The following C7orf57 variants were observed in gnomAD, a reference collection of about 807,000 sequenced individuals.
C7orf57 encodes chromosome 7 open reading frame 57.
C7orf57 carries 33 observed loss-of-function variants against 39.0 expected under a neutral mutation model. The ratio of observed to expected loss-of-function variants is 0.85; its 90% CI spans 0.64 to 1.13. C7orf57 has a LOEUF of 1.13. Ranked by LOEUF, C7orf57 falls within the 50% of genes most tolerant of loss-of-function variation. C7orf57 has a pLI of 0.00. For synonymous variants in C7orf57, 124 were observed against 137.1 expected (o/e 0.90, Z 0.67); for missense variants, 346 against 362.3 (o/e 0.95, Z 0.37).
At chr7:48,059,555 G>T (rs1427649158) in intron 8 of C7orf57, among the ~76,000 whole-genome samples, 1 of 152,078 alleles carries the variant, frequency 6.6e-6, no homozygotes, top group African/African-American at 2.4e-5. Flanking sequence ...TTCGCCATGT[G>T]GCCCAGGCTG....
At chr7:48,036,776 C>T (rs1190681733) in intron 2 of C7orf57, among the ~76,000 whole-genome samples, 1 of 152,172 alleles carries the variant, frequency 6.6e-6, no homozygotes, top group African/African-American at 2.4e-5. Flanking sequence ...AGCCCTTGCT[C>T]CTACTTTAGA....
chr7:48,055,470 A>G (rs1791091109), intron 8 of C7orf57, among the ~76,000 whole-genome samples: 1 of 152,178 alleles, frequency 6.6e-6, no homozygotes, highest in African/African-American at 2.4e-5. Context: ...TGGTGATCAC[A>G]CTTAAAATCT....
chr7:48,039,669 G>C (rs562672743), intron 2 of C7orf57, among the ~76,000 whole-genome samples: 1 of 152,160 alleles, frequency 6.6e-6, no homozygotes, highest in East Asian at 1.9e-4. Flanking sequence ...CAATATCTGA[G>C]TACCATGGTC....
Position 48,060,309 on chromosome 7 carries a change from T to C in C7orf57, c.*37T>C. 1 of 1,321,456 alleles carries C rather than the reference T, an allele frequency of 7.6e-7. No homozygotes were observed. Among genetic ancestry groups the C allele is most frequent in the Non-Finnish European group, 1.0e-6 (1 of 953,124 alleles). 81.9% of individuals were successfully genotyped at this position (1,321,456 alleles called of 1,614,324 possible). A position where few individuals can be genotyped will look rare whatever the true frequency, so the allele number is the denominator to read the frequency against. The stretch of plus-strand genomic sequence containing the variant: ...ATATGTATTTAGGATAATTTTTAAA[T>C]GGCTAAATATGACATGACTGTATTA... On this transcript the variant is annotated 3_prime_UTR_variant, in exon 9 of 9. Coordinates refer to ENST00000348904, the MANE Select transcript of C7orf57 (RefSeq NM_001100159.3).
intron 4 of C7orf57, 72 bp downstream of exon 4, chr7:48,043,661 A>C: frequency 8.6e-7 from 1 of 1,165,564 alleles, no homozygotes; most frequent in Non-Finnish European, 1.3e-6. Flanking sequence ...TAATTTTAAA[A>C]ATACAAATGT....
chr7:48,052,115 A>T (rs1265474928), intron 6 of C7orf57, among the ~76,000 whole-genome samples: 1 of 151,730 alleles, frequency 6.6e-6, no homozygotes, highest in Non-Finnish European at 1.5e-5. Flanking sequence ...CTGGGACTAC[A>T]GGTGCGTGCC....
intron 8 of C7orf57, among the ~76,000 whole-genome samples, chr7:48,056,314 G>GT (rs1469514112): frequency 6.6e-6 from 1 of 151,950 alleles, no homozygotes; most frequent in African/African-American, 2.4e-5. Flanking sequence ...TGGATTATTT[G>GT]TTTTTTTGCT....
At position 48,056,495 on chromosome 7, in the gene C7orf57, T is replaced by C. The variant is rs1168385475; in HGVS notation, c.841+1889T>C. Among the ~76,000 whole-genome samples, 3 of 152,116 alleles carry C rather than the reference T, an allele frequency of 2.0e-5. No individual in the cohort carries two copies. In the East Asian group the frequency reaches 5.8e-4, roughly 29 times the overall value. ...CCTTTTGTTACTTGGGCTTTTGGTG[T>C]TCTGTCCAAAAAATCATTGCCCAGA... On this transcript the variant is annotated intron_variant, in intron 8 of 8. Transcript: ENST00000348904.
chr7:48,046,435 C>G (rs1790713506), intron 4 of C7orf57, 25 bp from the exon 5 acceptor site: 1 of 1,603,302 alleles, frequency 6.2e-7, no homozygotes, highest in South Asian at 1.1e-5. Context: ...GAGCACCAGG[C>G]TGTAACTGGT....
At chr7:48,054,646 G>GTCTT (rs1276266795) in intron 8 of C7orf57, 40 bp downstream of exon 8, 2 of 1,528,466 alleles carry the variant, frequency 1.3e-6, no homozygotes, top group African/African-American at 2.8e-5. Context: ...AACACAAAAA[G>GTCTT]TCTTACACAA....
chr7:48,050,624 G>A (rs1790847121), intron 6 of C7orf57, among the ~76,000 whole-genome samples: 1 of 152,196 alleles, frequency 6.6e-6, no homozygotes, highest in African/African-American at 2.4e-5. Flanking sequence ...ACCAAGCTCA[G>A]AGGGAAATAT....
At chr7:48,041,938 C>T (rs1258204599) in intron 3 of C7orf57, among the ~76,000 whole-genome samples, 2 of 152,132 alleles carry the variant, frequency 1.3e-5, no homozygotes, top group Admixed American at 6.5e-5. Flanking sequence ...TGTATGAAAA[C>T]GTTTTAGAAA....
At chr7:48,055,134 C>T (rs1238306121) in intron 8 of C7orf57, among the ~76,000 whole-genome samples, 1 of 152,142 alleles carries the variant, frequency 6.6e-6, no homozygotes, top group East Asian at 1.9e-4. Flanking sequence ...CCTCGGCCTC[C>T]GAAAGTGCTG....
At chr7:48,042,006 G>C (rs1194159641) in intron 3 of C7orf57, among the ~76,000 whole-genome samples, 1 of 152,204 alleles carries the variant, frequency 6.6e-6, no homozygotes, top group Non-Finnish European at 1.5e-5. Context: ...TTTGATACAT[G>C]ATTTAATTGA....
At chr7:48,052,645 T>A in intron 6 of C7orf57, 55 bp from the exon 7 acceptor site, 1 of 1,472,658 alleles carries the variant, frequency 6.8e-7, no homozygotes, top group Non-Finnish European at 9.4e-7. Context: ...ATACTGCTTC[T>A]GCTTTATCAT....
chr7:48,051,983 CT>C (rs1385729889), intron 6 of C7orf57, among the ~76,000 whole-genome samples: 1 of 70,650 alleles, frequency 1.4e-5, no homozygotes, highest in African/African-American at 5.3e-5. Flanking sequence ...TCTTTCTTTT[CT>C]TTTTTTTGAG....
At position 48,044,802 on chromosome 7, in the gene C7orf57, A is replaced by G. The variant is rs1790665974; in HGVS notation, c.350+1213A>G. Among the ~76,000 whole-genome samples the G allele has an allele frequency of 4.6e-5, 7 of 152,214 alleles. No homozygotes were observed. The South Asian group carries it at 1.4e-3, about 32-fold the overall frequency. ...CCATAATATTTGAAATGTCTAAGAA[A>G]TTTCTATTTGTGGACATGCAAACTT... is the stretch of plus-strand genomic sequence containing the variant. On this transcript the variant is annotated intron_variant, in intron 4 of 8. Transcript: ENST00000348904.
intron 1 of C7orf57, 82 bp from the exon 2 acceptor site, chr7:48,036,126 G>A (rs1454984622): frequency 3.0e-6 from 2 of 669,054 alleles, no homozygotes; most frequent in African/African-American, 3.6e-5. Context: ...CCAGCGCTAG[G>A]CGATCGTAAG....
At chr7:48,036,858 GTCT>G (rs1008419529) in intron 2 of C7orf57, among the ~76,000 whole-genome samples, 4 of 151,992 alleles carry the variant, frequency 2.6e-5, no homozygotes, top group African/African-American at 9.7e-5. Flanking sequence ...TGAGGTTCAT[GTCT>G]TCTTATGTGC....
Sources: gnomAD v4.1 joint callset for allele counts (sites outside exome capture counted in the v4.1 genomes callset) on GRCh38, gnomAD v4.1.1 for gene constraint, MANE v1.5 for transcripts, NCBI Gene and HGNC (gene_info 2026-07-23, HGNC 2026-07-21) for gene names.